Variants in PCDH7 observed in about 807,000 individuals in gnomAD.
PCDH7 encodes protocadherin-7.
PCDH7 carries 17 observed loss-of-function variants against 58.9 expected under a neutral mutation model. The ratio of observed to expected loss-of-function variants is 0.29; its 90% CI spans 0.20 to 0.43. The LOEUF (loss-of-function observed/expected upper bound fraction) is 0.43. Ranked by LOEUF, PCDH7 falls within the 20% of genes least tolerant of loss-of-function variation. The pLI is 1.00. For missense variants in PCDH7, 1,274 were observed against 1,441.0 expected (o/e 0.88, Z 1.88); for synonymous variants, 664 against 616.4 (o/e 1.08, Z -1.14).
At chr4:30,929,190 T>A (rs1034640469) in intron 2 of PCDH7, among the ~76,000 whole-genome samples, 2 of 152,156 alleles carry the variant, frequency 1.3e-5, no homozygotes, top group Non-Finnish European at 2.9e-5. Context: ...TTAAATTACA[T>A]TAGAGTAGAG....
intron 3 of PCDH7, among the ~76,000 whole-genome samples, chr4:31,117,810 T>C (rs1315211768): frequency 1.3e-5 from 2 of 152,148 alleles, no homozygotes; most frequent in Non-Finnish European, 2.9e-5. Context: ...GGTCAGTCTG[T>C]AGTAGAAAGG....
intron 1 of PCDH7, among the ~76,000 whole-genome samples, chr4:30,817,439 T>G (rs535547018): frequency 6.6e-6 from 1 of 152,374 alleles, no homozygotes; most frequent in African/African-American, 2.4e-5. Context: ...GGCTGTGTTA[T>G]GCATGAAACA....
chr4:30,974,674 A>G (rs766071468), intron 3 of PCDH7, among the ~76,000 whole-genome samples: 1 of 152,208 alleles, frequency 6.6e-6, no homozygotes, highest in Admixed American at 6.5e-5. Flanking sequence ...GTAATATTTT[A>G]TAACCTCCTT....
intron 1 of PCDH7, among the ~76,000 whole-genome samples, chr4:30,894,010 TACTGGAG>T (rs1259536352): frequency 2.0e-5 from 3 of 152,176 alleles, no homozygotes; most frequent in South Asian, 2.1e-4. Context: ...ACCAGACAGA[TACTGGAG>T]AACTGAATGT....
chr4:30,924,558 A>G (rs1486835262), intron 2 of PCDH7, among the ~76,000 whole-genome samples: 3 of 152,166 alleles, frequency 2.0e-5, no homozygotes, highest in Non-Finnish European at 2.9e-5. Flanking sequence ...CATTTATTAC[A>G]TAAATCAAAG....
Position 30,725,270 on chromosome 4 carries a change from C to T in PCDH7, c.3174+674C>T, listed in dbSNP as rs531401179. The T allele has an allele frequency of 5.1e-6, 5 of 986,608 alleles. No individual in the cohort carries two copies. The East Asian group carries it at 4.6e-4, about 90-fold the overall frequency. 61.1% of individuals were successfully genotyped at this position (986,608 alleles called of 1,614,324 possible). A position where few individuals can be genotyped will look rare whatever the true frequency, so the allele number is the denominator to read the frequency against. On this transcript the variant is annotated intron_variant, in intron 1 of 1. Transcript: ENST00000361762. ...GTGTTCTATAATGATATGCAATTAC[C>T]ATTTGCATTCTTTCTGTTTGGTATT... is the stretch of plus-strand genomic sequence containing the variant.
intron 3 of PCDH7, among the ~76,000 whole-genome samples, chr4:31,057,309 A>C (rs766113575): frequency 5.9e-5 from 9 of 152,148 alleles, no homozygotes; most frequent in Non-Finnish European, 1.3e-4. Flanking sequence ...ATCATAGAAA[A>C]TGGGAAGATG....
chr4:30,744,818 G>A (rs539725428), intron 1 of PCDH7, among the ~76,000 whole-genome samples: 133 of 152,180 alleles, frequency 8.7e-4, no homozygotes, highest in Non-Finnish European at 1.1e-3. Context: ...GCTTTTAACA[G>A]ATTGCTAATG....
At chr4:30,847,314 G>A (rs1732108553) in intron 1 of PCDH7, among the ~76,000 whole-genome samples, 2 of 152,152 alleles carry the variant, frequency 1.3e-5, no homozygotes, top group Admixed American at 6.6e-5. Flanking sequence ...ACTATGAGTA[G>A]TGTTAGCTTT....
intron 1 of PCDH7, among the ~76,000 whole-genome samples, chr4:30,891,249 A>G (rs1738566701): frequency 6.6e-6 from 1 of 152,106 alleles, no homozygotes; most frequent in Non-Finnish European, 1.5e-5. Flanking sequence ...AGGAGAATAC[A>G]TTGGTCACAT....
At chr4:31,093,274 C>A (rs1476871895) in intron 3 of PCDH7, among the ~76,000 whole-genome samples, 1 of 152,046 alleles carries the variant, frequency 6.6e-6, no homozygotes, top group African/African-American at 2.4e-5. Context: ...ACATTTATTT[C>A]ATTATAGTTT....
intron 3 of PCDH7, among the ~76,000 whole-genome samples, chr4:31,071,953 C>T (rs1343418769): frequency 6.6e-6 from 1 of 152,042 alleles, no homozygotes; most frequent in African/African-American, 2.4e-5. Flanking sequence ...AATAACTACT[C>T]TTATACTAAA....
intron 3 of PCDH7, among the ~76,000 whole-genome samples, chr4:31,117,612 A>G (rs2109319383): frequency 6.6e-6 from 1 of 152,292 alleles, no homozygotes; most frequent in East Asian, 1.9e-4. Flanking sequence ...CATAATTATA[A>G]TATTGCTATT....
At chr4:30,743,529 AAGAT>A (rs1717364720) in intron 1 of PCDH7, among the ~76,000 whole-genome samples, 1 of 152,090 alleles carries the variant, frequency 6.6e-6, no homozygotes, top group South Asian at 2.1e-4. Flanking sequence ...TCAAAGGAAA[AAGAT>A]AGAAATAAAG....
Position 30,722,006 on chromosome 4 carries a change from G to C in PCDH7, c.584G>C (p.Ser195Thr). ...GGAGGCGGCGGCAGCGGCGGCGAGA[G>C]CCGGCGCGCCGGGGCGGCCGACAGC... Residue 195 changes from serine (S) to threonine (T), a missense_variant, in exon 1 of 2, where the codon AGC becomes ACC. This residue lies in a region of PCDH7 where 331 missense variants were observed against 303.2 expected (regional missense o/e 1.09). Transcript: ENST00000361762. This position sits in a 1 kb window ranked among gnomAD's most constrained non-coding sequence, Gnocchi z 7.6. 7.9e-7 allele frequency: 1 copy of C among 1,270,218 alleles called. No individual in the cohort carries two copies. The highest frequency in any genetic ancestry group is 4.2e-5 in the Admixed American group (1 of 23,796). 78.7% of individuals were successfully genotyped at this position (1,270,218 alleles called of 1,614,324 possible). A position where few individuals can be genotyped will look rare whatever the true frequency, so the allele number is the denominator to read the frequency against.
chr4:30,885,378 A>G (rs1041205324), intron 1 of PCDH7, among the ~76,000 whole-genome samples: 3 of 152,198 alleles, frequency 2.0e-5, no homozygotes, highest in African/African-American at 7.2e-5. Flanking sequence ...GATATGATAT[A>G]TGTTGAGTGT....
intron 2 of PCDH7, among the ~76,000 whole-genome samples, chr4:30,923,349 G>A (rs1053550321): frequency 6.6e-6 from 1 of 152,044 alleles, no homozygotes; most frequent in African/African-American, 2.4e-5. Flanking sequence ...ATGCAGAGAA[G>A]GAACAGAAAC....
At chr4:30,824,677 A>C (rs1728884937) in intron 1 of PCDH7, among the ~76,000 whole-genome samples, 1 of 152,108 alleles carries the variant, frequency 6.6e-6, no homozygotes. Context: ...CGGTTTTAGC[A>C]ACATGAAAGG....
At chr4:31,117,538 C>T (rs1261279896) in intron 3 of PCDH7, among the ~76,000 whole-genome samples, 1 of 151,892 alleles carries the variant, frequency 6.6e-6, no homozygotes, top group Non-Finnish European at 1.5e-5. Context: ...CAAAATGTGC[C>T]AAGCAGTTTT....
Sources: allele counts gnomAD v4.1 joint callset (sites outside exome capture counted in the v4.1 genomes callset), GRCh38; gene constraint gnomAD v4.1.1; regional missense constraint gnomAD v4.1.1; non-coding constraint Gnocchi (gnomAD v3.1); transcripts MANE v1.5; gene names NCBI Gene and HGNC (gene_info 2026-07-23, HGNC 2026-07-21).